Variants in TWIST2 observed in about 807,000 individuals in gnomAD.
TWIST2 encodes twist family bHLH transcription factor 2, also known as twist-related protein 2.
Under a neutral mutation model 11.6 loss-of-function variants are expected in TWIST2, and 1 was observed. That is an observed-to-expected ratio of 0.09 (90% CI 0.03 to 0.41). The LOEUF is 0.41. Ranked by LOEUF, TWIST2 falls within the 10% of genes least tolerant of loss-of-function variation. The pLI, the probability that TWIST2 is intolerant of heterozygous loss-of-function variation, is 0.98. For synonymous variants in TWIST2, 87 were observed against 96.6 expected (o/e 0.90, Z 0.58); for missense variants, 168 against 226.4 (o/e 0.74, Z 1.66).
At chr2:238,881,605 T>C (rs931213534) in intron 1 of TWIST2, among the ~76,000 whole-genome samples, 1 of 152,066 alleles carries the variant, frequency 6.6e-6, no homozygotes, top group African/African-American at 2.4e-5. Flanking sequence ...TTATTAGCAT[T>C]AGTTAGTATT....
At chr2:238,852,875 TAAA>T (rs1195577685) in intron 1 of TWIST2, among the ~76,000 whole-genome samples, 3 of 152,134 alleles carry the variant, frequency 2.0e-5, no homozygotes, top group African/African-American at 7.2e-5. Context: ...AAAATTAAAA[TAAA>T]AAAGATATTC....
At chr2:238,880,479 A>T (rs1692897279) in intron 1 of TWIST2, among the ~76,000 whole-genome samples, 1 of 101,880 alleles carries the variant, frequency 9.8e-6, no homozygotes, top group Non-Finnish European at 1.9e-5. Flanking sequence ...ACTATTTATT[A>T]GTGTCAGTGT....
chr2:238,853,386 A>G (rs1000653180), intron 1 of TWIST2, among the ~76,000 whole-genome samples: 6 of 145,934 alleles, frequency 4.1e-5, no homozygotes, highest in African/African-American at 8.1e-5. Context: ...AGGGAGGGAG[A>G]GAGAGAGAGA....
At chr2:238,849,189 G>C (rs575581919) in intron 1 of TWIST2, among the ~76,000 whole-genome samples, 78 of 152,302 alleles carry the variant, frequency 5.1e-4, no homozygotes, top group African/African-American at 1.7e-3. Context: ...CGGGCGAATG[G>C]CTTCGCTTTC....
At chr2:238,907,243 G>A (rs1213733754) in intron 1 of TWIST2, among the ~76,000 whole-genome samples, 1 of 152,234 alleles carries the variant, frequency 6.6e-6, no homozygotes, top group East Asian at 1.9e-4. Flanking sequence ...GGGCCCCACT[G>A]AGGTGGCCCA....
chr2:238,873,980 GA>G (rs1692759672), intron 1 of TWIST2, among the ~76,000 whole-genome samples: 1 of 152,054 alleles, frequency 6.6e-6, no homozygotes, highest in Non-Finnish European at 1.5e-5. Flanking sequence ...TTCCATCAAG[GA>G]AAAAACTCAC....
At chr2:238,853,477 G>A (rs867493791) in intron 1 of TWIST2, among the ~76,000 whole-genome samples, 49 of 151,266 alleles carry the variant, frequency 3.2e-4, no homozygotes, top group African/African-American at 1.1e-3. Context: ...GAGAGAGAGA[G>A]AGAAACTCAA....
intron 1 of TWIST2, among the ~76,000 whole-genome samples, chr2:238,909,573 AGAAAGGGCACTCGGGGGCAG>A (rs1201509126): frequency 5.9e-5 from 9 of 152,012 alleles, no homozygotes; most frequent in East Asian, 5.8e-4. Context: ...GGTGAGTGTG[AGAAAGGGCACTCGGGGGCAG>A]GAAAGGGCAC....
At chr2:238,897,868 A>T (rs1693223855) in intron 1 of TWIST2, among the ~76,000 whole-genome samples, 1 of 152,186 alleles carries the variant, frequency 6.6e-6, no homozygotes, top group African/African-American at 2.4e-5. Flanking sequence ...CCCAGATGGA[A>T]CAAGGAAACT....
chr2:238,899,185 C>T (rs2106372387), intron 1 of TWIST2, among the ~76,000 whole-genome samples: 1 of 152,368 alleles, frequency 6.6e-6, no homozygotes. Flanking sequence ...CTGCACGGTC[C>T]CCGCATCCCT....
rs138070302 is a variant in TWIST2, at chr2:238,851,003, C to T, written c.*35+2270C>T. On this transcript the variant is annotated intron_variant, in intron 1 of 1. Coordinates refer to ENST00000612363, the MANE Select transcript of TWIST2 (RefSeq NM_001271893.4). ...CTCATTATTCCCTATAAGATCAATA[C>T]GATTATAATTGGTTTGATTTCCTGA... Among the ~76,000 whole-genome samples the T allele has an allele frequency of 1.5e-3, 234 of 152,272 alleles. 5 individuals are homozygous for T. The East Asian group carries it at 0.035, about 23-fold the overall frequency.
At chr2:238,884,828 C>T (rs533968009) in intron 1 of TWIST2, among the ~76,000 whole-genome samples, 25 of 152,318 alleles carry the variant, frequency 1.6e-4, no homozygotes, top group African/African-American at 4.8e-4. Context: ...TCCCTGGGGC[C>T]GGCTCACTGC....
chr2:238,900,572 G>C (rs1324005044), intron 1 of TWIST2, among the ~76,000 whole-genome samples: 1 of 152,278 alleles, frequency 6.6e-6, no homozygotes, highest in East Asian at 1.9e-4. Flanking sequence ...AATTTCCCTG[G>C]AGCAGCTGCT....
At chr2:238,865,728 C>G (rs1007431129) in intron 1 of TWIST2, among the ~76,000 whole-genome samples, 5 of 152,018 alleles carry the variant, frequency 3.3e-5, no homozygotes, top group African/African-American at 1.2e-4. Context: ...ACAGGCATCC[C>G]CTAACCCAGA....
Position 238,870,382 on chromosome 2 carries a change from C to CA in TWIST2, c.*35+21649_*35+21650insA, listed in dbSNP as rs1448410797. On this transcript the variant is annotated intron_variant, in intron 1 of 1. Transcript: ENST00000612363. ...ACACACACACCACACACCCCACACACCCCACACACCCCACACACACATCAC... is the reference window on the plus strand; with the variant it reads ...ACACACACACCACACACCCCACACACACCCACACACCCCACACACACATCAC... Among the ~76,000 whole-genome samples the CA allele has an allele frequency of 7.5e-5, 3 of 39,960 alleles. 1 individual carries two copies. The highest frequency in any genetic ancestry group is 1.9e-4 in the Non-Finnish European group (3 of 15,514). 26.2% of individuals were successfully genotyped at this position (39,960 alleles called of 152,430 possible).
intron 1 of TWIST2, among the ~76,000 whole-genome samples, chr2:238,870,587 ACCACACACC>A (rs1433648213): frequency 3.4e-4 from 6 of 17,880 alleles, no homozygotes; most frequent in East Asian, 1.6e-3. Context: ...ACACACACAC[ACCACACACC>A]CCACACACAC....
chr2:238,899,796 G>A (rs1009197138), intron 1 of TWIST2, among the ~76,000 whole-genome samples: 3 of 152,152 alleles, frequency 2.0e-5, no homozygotes, highest in Admixed American at 6.5e-5. Context: ...AGGCGGCAAC[G>A]TTCTAGCCTT....
chr2:238,895,139 G>C (rs967770607), intron 1 of TWIST2, among the ~76,000 whole-genome samples: 12,291 of 152,252 alleles, frequency 0.081, 588 homozygotes, highest in East Asian at 0.26. Flanking sequence ...CACTGAGAAG[G>C]CTGTGTCTTC....
At chr2:238,853,369 G>A (rs1264957230) in intron 1 of TWIST2, among the ~76,000 whole-genome samples, 1 of 149,578 alleles carries the variant, frequency 6.7e-6, no homozygotes, top group Non-Finnish European at 1.5e-5. Flanking sequence ...AGAGGATATA[G>A]CAGAGGAGGG....
Sources: gnomAD v4.1 joint callset for allele counts (sites outside exome capture counted in the v4.1 genomes callset) on GRCh38, gnomAD v4.1.1 for gene constraint, MANE v1.5 for transcripts, NCBI Gene and HGNC (gene_info 2026-07-23, HGNC 2026-07-21) for gene names.